ULK2: variants seen among roughly 807,000 people sequenced by gnomAD.
The protein encoded by ULK2 is serine/threonine-protein kinase ULK2.
In ULK2, 76 loss-of-function variants were observed where a neutral mutation model predicts 127.5. The observed-to-expected ratio is 0.60, with a 90% CI of 0.50 to 0.72. ULK2 has a LOEUF of 0.72. Ranked by LOEUF, ULK2 falls within the 30% of genes least tolerant of loss-of-function variation. The probability of loss-of-function intolerance (pLI) is 0.00; values close to 1 mark genes in which losing one functional copy is unlikely to be tolerated. For synonymous variants in ULK2, 452 were observed against 461.9 expected (o/e 0.98, Z 0.28); for missense variants, 1,144 against 1,295.9 (o/e 0.88, Z 1.80).
At chr17:19,812,105 C>T (rs2087654673) in intron 13 of ULK2, among the ~76,000 whole-genome samples, 2 of 152,144 alleles carry the variant, frequency 1.3e-5, no homozygotes, top group Admixed American at 6.5e-5. Flanking sequence ...AGAAGTAAAC[C>T]AATTTACATC....
chr17:19,786,530 G>A (rs1400607366), intron 20 of ULK2, among the ~76,000 whole-genome samples: 3 of 151,904 alleles, frequency 2.0e-5, no homozygotes, highest in African/African-American at 7.3e-5. Context: ...CCTGGCCAAC[G>A]TGGTGAAACC....
intron 3 of ULK2, among the ~76,000 whole-genome samples, chr17:19,859,213 G>T (rs558458506): frequency 6.6e-6 from 1 of 151,784 alleles, no homozygotes; most frequent in South Asian, 2.1e-4. Flanking sequence ...GTCACTACTG[G>T]TTAAAAAGAA....
chr17:19,840,543 C>T, intron 9 of ULK2: 2 of 339,372 alleles, frequency 5.9e-6, no homozygotes, highest in Non-Finnish European at 1.1e-5. Flanking sequence ...ATATGTACTC[C>T]TGCCTAAATA....
intron 3 of ULK2, among the ~76,000 whole-genome samples, chr17:19,852,853 T>C (rs2042048085): frequency 6.6e-6 from 1 of 151,894 alleles, no homozygotes; most frequent in East Asian, 2.0e-4. Context: ...GGTTTCACTG[T>C]GTTAGCCAGG....
intron 10 of ULK2, among the ~76,000 whole-genome samples, chr17:19,826,693 C>T (rs1231951505): frequency 2.0e-5 from 3 of 152,288 alleles, no homozygotes; most frequent in Non-Finnish European, 2.9e-5. Flanking sequence ...TGGTGGCTCA[C>T]GCCCGTAAGC....
intron 3 of ULK2, among the ~76,000 whole-genome samples, chr17:19,855,089 G>C (rs1036836599): frequency 8.0e-6 from 1 of 125,300 alleles, no homozygotes. Flanking sequence ...AAAAGAACAA[G>C]ATTCCATCTC....
At chr17:19,824,590 T>G (rs2041243031) in intron 12 of ULK2, among the ~76,000 whole-genome samples, 1 of 151,352 alleles carries the variant, frequency 6.6e-6, no homozygotes, top group African/African-American at 2.4e-5. Flanking sequence ...CCTTGGGAGC[T>G]TCAGGGAAAG....
intron 20 of ULK2, among the ~76,000 whole-genome samples, chr17:19,790,055 G>C (rs1020892036): frequency 5.9e-5 from 9 of 152,086 alleles, no homozygotes; most frequent in African/African-American, 2.2e-4. Flanking sequence ...AAGTTAAGAA[G>C]CAAGGAGATA....
chr17:19,845,188 A>G, intron 7 of ULK2, 116 bp downstream of exon 7: 1 of 883,780 alleles, frequency 1.1e-6, no homozygotes, highest in Non-Finnish European at 1.7e-6. Context: ...AACATTAGTA[A>G]TAACAACTTG....
intron 3 of ULK2, among the ~76,000 whole-genome samples, chr17:19,861,224 T>C (rs1370010998): frequency 2.0e-5 from 3 of 152,174 alleles, no homozygotes; most frequent in Non-Finnish European, 4.4e-5. Context: ...AAGCTGGTAC[T>C]AAAAAATACT....
chr17:19,838,777 C>T (rs2041661424), intron 9 of ULK2, among the ~76,000 whole-genome samples, 194 bp from the exon 10 acceptor site: 1 of 151,966 alleles, frequency 6.6e-6, no homozygotes, highest in South Asian at 2.1e-4. Flanking sequence ...CCTGTAATCC[C>T]AGCACTTTGG....
intron 3 of ULK2, among the ~76,000 whole-genome samples, chr17:19,860,023 C>T (rs564934666): frequency 6.6e-6 from 1 of 152,226 alleles, no homozygotes; most frequent in South Asian, 2.1e-4. Context: ...CAATACTATA[C>T]TGATTATGAA....
intron 11 of ULK2, 120 bp from the exon 12 acceptor site, chr17:19,825,302 A>G: frequency 1.4e-6 from 1 of 719,626 alleles, no homozygotes; most frequent in Non-Finnish European, 2.3e-6. Flanking sequence ...GCATTTACCT[A>G]TTTATTACCA....
At chr17:19,819,008 C>T (rs974017824) in intron 12 of ULK2, among the ~76,000 whole-genome samples, 54 of 152,036 alleles carry the variant, frequency 3.6e-4, no homozygotes, top group African/African-American at 1.3e-3. Flanking sequence ...ACCATCTTGG[C>T]CAGGCTGGCC....
intron 12 of ULK2, 102 bp downstream of exon 12, chr17:19,824,992 A>G (rs995926316): frequency 1.4e-5 from 16 of 1,130,012 alleles, no homozygotes; most frequent in Admixed American, 9.2e-5. Context: ...ATTAGTAAAC[A>G]TTACACATAA....
intron 20 of ULK2, among the ~76,000 whole-genome samples, chr17:19,790,748 T>G (rs1482729210): frequency 6.6e-6 from 1 of 152,170 alleles, no homozygotes; most frequent in Admixed American, 6.5e-5. Context: ...GCCCCACCTA[T>G]CTGGTGCCTA....
At chr17:19,809,426 G>GT (rs766670102) in intron 14 of ULK2, among the ~76,000 whole-genome samples, 22 of 152,202 alleles carry the variant, frequency 1.4e-4, no homozygotes, top group African/African-American at 4.8e-4. Context: ...GATTTTATGT[G>GT]TTTTTTATCA....
chr17:19,818,082 G>C (rs1478822311), intron 12 of ULK2, among the ~76,000 whole-genome samples: 3 of 152,070 alleles, frequency 2.0e-5, no homozygotes, highest in Admixed American at 6.6e-5. Flanking sequence ...CAGCACTTTG[G>C]GAGGCCGAGG....
chr17:19,772,447 G>A lies in ULK2; in HGVS notation c.*3902C>T, dbSNP rs1432360500. ...CTTGGCTGCAGATTCAAGGGTCCAG[G>A]ACTCAGAAAAAAGTGGTCTGAGGCC... is the stretch of plus-strand genomic sequence containing the variant. On this transcript the variant is annotated 3_prime_UTR_variant, in exon 27 of 27. Transcript: ENST00000395544. The A allele has an allele frequency of 1.3e-5, 2 of 152,112 alleles. No individual in the cohort carries two copies. Among genetic ancestry groups the A allele is most frequent in the Admixed American group, 6.5e-5 (1 of 15,276 alleles). 9.4% of individuals were successfully genotyped at this position (152,112 alleles called of 1,614,324 possible).
Sources: gnomAD v4.1 joint callset for allele counts (sites outside exome capture counted in the v4.1 genomes callset) on GRCh38, gnomAD v4.1.1 for gene constraint, MANE v1.5 for transcripts, NCBI Gene and HGNC (gene_info 2026-07-23, HGNC 2026-07-21) for gene names.